The following ACER2 variants were observed in gnomAD, a reference collection of about 807,000 sequenced individuals.
ACER2 encodes the protein alkaline ceramidase 2, also known as alkCDase 2.
Under a neutral mutation model 34.7 loss-of-function variants are expected in ACER2, and 26 were observed. That is an observed-to-expected ratio of 0.75 (90% CI 0.55 to 1.04). The LOEUF is 1.04. ACER2 is among the 50% of genes least tolerant of loss of function. ACER2 has a pLI of 0.00. For synonymous variants in ACER2, 138 were observed against 132.1 expected (o/e 1.04, Z -0.31); for missense variants, 352 against 340.8 (o/e 1.03, Z -0.26).
chr9:19,448,906 C>T (rs374654207), intron 5 of ACER2, among the ~76,000 whole-genome samples: 45 of 152,174 alleles, frequency 3.0e-4, no homozygotes, highest in African/African-American at 9.2e-4. Context: ...TTTGGGAGGC[C>T]GAGGCAGGTG....
At chr9:19,446,446 C>G (rs199672118) in intron 5 of ACER2, 28 bp downstream of exon 5, 6 of 1,613,752 alleles carry the variant, frequency 3.7e-6, no homozygotes, top group Non-Finnish European at 5.1e-6. Flanking sequence ...GGGAGGTGGC[C>G]GGGGACAGGT....
chr9:19,421,993 T>C (rs1830420394), intron 1 of ACER2, among the ~76,000 whole-genome samples: 1 of 151,970 alleles, frequency 6.6e-6, no homozygotes, highest in Non-Finnish European at 1.5e-5. Flanking sequence ...AACAAAATAA[T>C]GTAAACTAGG....
intron 5 of ACER2, among the ~76,000 whole-genome samples, chr9:19,447,579 A>T (rs1257918801): frequency 2.0e-5 from 3 of 152,248 alleles, no homozygotes; most frequent in Non-Finnish European, 4.4e-5. Flanking sequence ...AGATAACAAA[A>T]TGTACAGATT....
rs1360322207 is a variant in ACER2, at chr9:19,452,329, G to A, written c.*1693G>A. Among the ~76,000 whole-genome samples the A allele has an allele frequency of 4.6e-5, 7 of 152,160 alleles. No homozygotes were observed. Among genetic ancestry groups the A allele is most frequent in the Non-Finnish European group, 7.4e-5 (5 of 68,014 alleles). The stretch of plus-strand genomic sequence containing the variant: ...TTAGAATTTGTACCAGATCCAAGGT[G>A]AAAACCCCAATAAGCAACTGAATTT... On this transcript the variant is annotated 3_prime_UTR_variant, in exon 6 of 6. Coordinates refer to ENST00000340967, the MANE Select transcript of ACER2 (RefSeq NM_001010887.3).
At chr9:19,432,700 TTA>T (rs1008642503) in intron 3 of ACER2, among the ~76,000 whole-genome samples, 2 of 148,000 alleles carry the variant, frequency 1.4e-5, no homozygotes, top group Non-Finnish European at 3.0e-5. Context: ...TATAATATAG[TTA>T]TATATAAAAT....
intron 1 of ACER2, among the ~76,000 whole-genome samples, chr9:19,412,131 A>G (rs1266281530): frequency 6.6e-6 from 1 of 152,228 alleles, no homozygotes; most frequent in Admixed American, 6.5e-5. Context: ...TCCATAACTT[A>G]AAACTCCTGT....
At chr9:19,431,782 C>T (rs1830762207) in intron 3 of ACER2, among the ~76,000 whole-genome samples, 1 of 152,206 alleles carries the variant, frequency 6.6e-6, no homozygotes, top group Non-Finnish European at 1.5e-5. Flanking sequence ...GCAGTTTGAT[C>T]AATGATTTCC....
intron 1 of ACER2, among the ~76,000 whole-genome samples, chr9:19,422,055 A>G (rs550393849): frequency 6.6e-6 from 1 of 151,878 alleles, no homozygotes; most frequent in Admixed American, 6.6e-5. Flanking sequence ...AGGCTGAGGC[A>G]GGAGGATTGC....
At chr9:19,413,066 C>T (rs1439192225) in intron 1 of ACER2, among the ~76,000 whole-genome samples, 7 of 152,184 alleles carry the variant, frequency 4.6e-5, no homozygotes, top group African/African-American at 1.4e-4. Context: ...TGAAATGGCA[C>T]ACTAAAGAGA....
At chr9:19,433,961 C>G (rs887774248) in intron 3 of ACER2, among the ~76,000 whole-genome samples, 1 of 150,782 alleles carries the variant, frequency 6.6e-6, no homozygotes, top group Non-Finnish European at 1.5e-5. Context: ...CTGACCCCCC[C>G]ACCTCCCTCC....
intron 4 of ACER2, among the ~76,000 whole-genome samples, chr9:19,442,783 C>G (rs1250398933): frequency 6.6e-6 from 1 of 150,874 alleles, no homozygotes; most frequent in East Asian, 1.9e-4. Context: ...GGCAAGAGGC[C>G]TATTTATTTT....
intron 4 of ACER2, among the ~76,000 whole-genome samples, chr9:19,439,093 C>G (rs1434580209): frequency 2.0e-5 from 3 of 152,156 alleles, no homozygotes; most frequent in Non-Finnish European, 4.4e-5. Flanking sequence ...CTTTAATATT[C>G]TAATCTTTGT....
At chr9:19,445,478 G>T (rs566509901) in intron 4 of ACER2, among the ~76,000 whole-genome samples, 1 of 152,272 alleles carries the variant, frequency 6.6e-6, no homozygotes, top group South Asian at 2.1e-4. Context: ...AGGGAAGGAG[G>T]CCTTAGGGAG....
chr9:19,409,256 G>A, intron 1 of ACER2, 64 bp downstream of exon 1: 2 of 1,481,606 alleles, frequency 1.3e-6, no homozygotes, highest in East Asian at 2.5e-5. Context: ...CCGCGCCGCA[G>A]CGTCTGGAAG....
chr9:19,414,417 A>G (rs1487855279), intron 1 of ACER2, among the ~76,000 whole-genome samples: 1 of 152,244 alleles, frequency 6.6e-6, no homozygotes, highest in African/African-American at 2.4e-5. Context: ...CAGTATGTTC[A>G]TGAGATTATT....
chr9:19,447,939 C>A (rs905245403), intron 5 of ACER2, among the ~76,000 whole-genome samples: 1 of 150,906 alleles, frequency 6.6e-6, no homozygotes, highest in Non-Finnish European at 1.5e-5. Context: ...TATATGTACA[C>A]ACACACGCAC....
intron 5 of ACER2, among the ~76,000 whole-genome samples, chr9:19,448,936 C>T (rs933542073): frequency 1.6e-4 from 24 of 152,192 alleles, no homozygotes; most frequent in African/African-American, 5.8e-4. Flanking sequence ...GTCAGGAGAT[C>T]GAGACCATCC....
At chr9:19,440,590 C>T (rs942582987) in intron 4 of ACER2, among the ~76,000 whole-genome samples, 10 of 152,286 alleles carry the variant, frequency 6.6e-5, no homozygotes, top group South Asian at 2.1e-4. Flanking sequence ...ACCTTGATCT[C>T]AGACTTCCCA....
At chr9:19,430,842 C>T (rs1455096349) in intron 3 of ACER2, among the ~76,000 whole-genome samples, 2 of 152,080 alleles carry the variant, frequency 1.3e-5, no homozygotes, top group African/African-American at 4.8e-5. Flanking sequence ...CCTGTAATCC[C>T]AGCTACTCCG....
Sources: allele counts gnomAD v4.1 joint callset (sites outside exome capture counted in the v4.1 genomes callset), GRCh38; gene constraint gnomAD v4.1.1; transcripts MANE v1.5; gene names NCBI Gene and HGNC (gene_info 2026-07-23, HGNC 2026-07-21).